The following NPAS3 variants were observed in gnomAD, a reference collection of about 807,000 sequenced individuals.
The protein encoded by NPAS3 is neuronal PAS domain protein 3, also known as neuronal PAS domain-containing protein 3.
A neutral mutation model predicts 73.1 loss-of-function variants in NPAS3; 14 were observed. The ratio of observed to expected loss-of-function variants is 0.19; its 90% CI spans 0.13 to 0.30. NPAS3 has a LOEUF of 0.30. Among genes scored for constraint, NPAS3 ranks in the 10% least tolerant of loss-of-function variants. NPAS3 has a pLI of 1.00. For missense variants in NPAS3, 1,096 were observed against 1,250.0 expected, an observed-to-expected ratio of 0.88 and a Z score of 1.86; for synonymous variants, 620 against 541.5, an observed-to-expected ratio of 1.14 and a Z score of -2.01.
At chr14:33,064,156 A>G (rs1167258600) in intron 2 of NPAS3, among the ~76,000 whole-genome samples, 1 of 152,196 alleles carries the variant, frequency 6.6e-6, no homozygotes, top group Non-Finnish European at 1.5e-5. Flanking sequence ...AGAAAATTTT[A>G]TAATTTTAGG....
rs1200304997 is a variant in NPAS3, at chr14:33,463,289, A to T, written c.468+96021A>T. ...CCAACCAGTGATATTTTCCTACAAA[A>T]ACTTCTTTGGGAAAAGAGATTATAT... On this transcript the variant is annotated intron_variant, in intron 4 of 11. Coordinates refer to ENST00000356141, the Ensembl canonical transcript of NPAS3. 2.0e-5 allele frequency among the ~76,000 whole-genome samples: 3 copies of T among 152,194 alleles called. No individual in the cohort carries two copies. The East Asian group carries it at 5.8e-4, about 29-fold the overall frequency.
chr14:33,067,709 G>T (rs560254362), intron 2 of NPAS3, among the ~76,000 whole-genome samples: 5 of 152,296 alleles, frequency 3.3e-5, no homozygotes, highest in African/African-American at 1.2e-4. Context: ...CACACAGCTC[G>T]GGTGTAACAT....
intron 3 of NPAS3, among the ~76,000 whole-genome samples, chr14:33,229,389 A>C (rs1030924870): frequency 2.0e-5 from 3 of 152,168 alleles, no homozygotes; most frequent in African/African-American, 7.2e-5. Flanking sequence ...TGAATATAGA[A>C]AGATCAAAAG....
At chr14:33,385,207 A>G (rs917252240) in intron 4 of NPAS3, among the ~76,000 whole-genome samples, 1 of 152,118 alleles carries the variant, frequency 6.6e-6, no homozygotes, top group Non-Finnish European at 1.5e-5. Flanking sequence ...AAGTGAAGAG[A>G]GGTGATGTGT....
intron 2 of NPAS3, among the ~76,000 whole-genome samples, chr14:33,066,133 G>A (rs1023401109): frequency 6.6e-6 from 1 of 152,110 alleles, no homozygotes; most frequent in Admixed American, 6.5e-5. Context: ...ACTGCCTGAT[G>A]GCTCACAAGC....
intron 1 of NPAS3, among the ~76,000 whole-genome samples, chr14:32,983,646 A>G (rs1381175315): frequency 6.6e-6 from 1 of 152,158 alleles, no homozygotes; most frequent in Non-Finnish European, 1.5e-5. Context: ...TTCCGTGTCA[A>G]TAATGGCTAT....
chr14:33,277,967 C>T (rs1422317135), intron 3 of NPAS3, among the ~76,000 whole-genome samples: 5 of 151,870 alleles, frequency 3.3e-5, no homozygotes, highest in South Asian at 4.2e-4. Flanking sequence ...TGCAGAGGTT[C>T]GGGTTGCAGA....
chr14:33,030,894 A>T (rs183287007), intron 1 of NPAS3, among the ~76,000 whole-genome samples: 56 of 152,098 alleles, frequency 3.7e-4, no homozygotes, highest in African/African-American at 1.3e-3. Flanking sequence ...TTTAATAGAC[A>T]TTTTTTTGTG....
intron 1 of NPAS3, among the ~76,000 whole-genome samples, chr14:32,994,853 A>T (rs986303755): frequency 2.5e-4 from 38 of 152,264 alleles, no homozygotes; most frequent in African/African-American, 8.9e-4. Flanking sequence ...GCTGGTCTCG[A>T]ACTCCTGACC....
chr14:33,743,110 C>T (rs1164399019), intron 7 of NPAS3, among the ~76,000 whole-genome samples: 4 of 152,200 alleles, frequency 2.6e-5, no homozygotes, highest in African/African-American at 9.7e-5. Flanking sequence ...TCCCATGAAT[C>T]ACAAATGTTC....
intron 4 of NPAS3, among the ~76,000 whole-genome samples, chr14:33,493,091 A>G (rs1270061291): frequency 6.6e-6 from 1 of 152,156 alleles, no homozygotes; most frequent in Non-Finnish European, 1.5e-5. Flanking sequence ...TTTGTGCGCA[A>G]AAACCATCTG....
chr14:33,771,305 C>T (rs2062643577), intron 7 of NPAS3, among the ~76,000 whole-genome samples: 1 of 152,064 alleles, frequency 6.6e-6, no homozygotes, highest in African/African-American at 2.4e-5. Flanking sequence ...TCTTCAATTC[C>T]ACCCTCCCTC....
At chr14:33,084,416 C>T (rs1270104349) in intron 2 of NPAS3, among the ~76,000 whole-genome samples, 1 of 152,152 alleles carries the variant, frequency 6.6e-6, no homozygotes, top group African/African-American at 2.4e-5. Flanking sequence ...TGAATGAGGG[C>T]ACCATTTTTT....
chr14:33,308,608 G>A (rs911210590), intron 3 of NPAS3, among the ~76,000 whole-genome samples: 2 of 146,008 alleles, frequency 1.4e-5, no homozygotes, highest in African/African-American at 5.2e-5. Context: ...CTACACACTT[G>A]TGCACACACA....
At chr14:33,350,222 A>G (rs2044968376) in intron 3 of NPAS3, among the ~76,000 whole-genome samples, 1 of 152,232 alleles carries the variant, frequency 6.6e-6, no homozygotes, top group Non-Finnish European at 1.5e-5. Context: ...AATAGTTCAC[A>G]TCTATAAAAG....
chr14:33,411,570 C>A (rs1364664300), intron 4 of NPAS3, among the ~76,000 whole-genome samples: 1 of 152,186 alleles, frequency 6.6e-6, no homozygotes, highest in Non-Finnish European at 1.5e-5. Context: ...TCCTCCAGTG[C>A]ACAGGACAGC....
intron 2 of NPAS3, among the ~76,000 whole-genome samples, chr14:33,177,134 G>A (rs2045621821): frequency 6.8e-6 from 1 of 146,220 alleles, no homozygotes; most frequent in South Asian, 2.1e-4. Context: ...GTCTTGCTCT[G>A]TTGCCAGGCT....
intron 2 of NPAS3, among the ~76,000 whole-genome samples, chr14:33,200,997 C>G (rs1336414696): frequency 2.0e-5 from 3 of 152,150 alleles, no homozygotes; most frequent in African/African-American, 7.2e-5. Flanking sequence ...CTAACCATTT[C>G]AGAAAACGAA....
chr14:33,775,435 C>G (rs988785910), intron 8 of NPAS3, among the ~76,000 whole-genome samples: 2 of 152,166 alleles, frequency 1.3e-5, no homozygotes, highest in African/African-American at 4.8e-5. Flanking sequence ...AGAGGAGAAA[C>G]TGAAGATCCG....
Sources: gnomAD v4.1 joint callset for allele counts (sites outside exome capture counted in the v4.1 genomes callset) on GRCh38, gnomAD v4.1.1 for gene constraint, MANE v1.5 for transcripts, NCBI Gene and HGNC (gene_info 2026-07-23, HGNC 2026-07-21) for gene names.